Variants in MAGI1 observed in about 807,000 individuals in gnomAD.
The protein encoded by MAGI1 is membrane associated guanylate kinase, WW and PDZ domain containing 1.
A neutral mutation model predicts 139.9 loss-of-function variants in MAGI1; 58 were observed. The ratio of observed to expected loss-of-function variants is 0.41; its 90% CI spans 0.34 to 0.52. The LOEUF (loss-of-function observed/expected upper bound fraction) is 0.52. MAGI1 is among the 20% of genes least tolerant of loss of function. The pLI is 0.12. For missense variants in MAGI1, 1,874 were observed against 1,901.6 expected (o/e 0.99, Z 0.27); for synonymous variants, 812 against 737.9 (o/e 1.10, Z -1.63).
At chr3:65,869,274 A>G (rs1165731727) in intron 1 of MAGI1, among the ~76,000 whole-genome samples, 46 of 149,820 alleles carry the variant, frequency 3.1e-4, no homozygotes, top group Admixed American at 3.0e-3. Context: ...AAAAAAAACA[A>G]CAACTAATTG....
chr3:65,938,769 A>T (rs2063176673), intron 1 of MAGI1, among the ~76,000 whole-genome samples: 1 of 152,208 alleles, frequency 6.6e-6, no homozygotes, highest in African/African-American at 2.4e-5. Flanking sequence ...CCTGAGACTC[A>T]TTAAACATTT....
At chr3:65,527,242 T>A (rs559616070) in intron 2 of MAGI1, among the ~76,000 whole-genome samples, 1 of 152,266 alleles carries the variant, frequency 6.6e-6, no homozygotes, top group African/African-American at 2.4e-5. Context: ...GATGCTACCA[T>A]AAGAGCACTG....
chr3:65,584,193 C>T (rs547725081), intron 2 of MAGI1, among the ~76,000 whole-genome samples: 1 of 151,826 alleles, frequency 6.6e-6, no homozygotes, highest in South Asian at 2.1e-4. Flanking sequence ...GCTACTTTGG[C>T]CTAATTCTGA....
chr3:65,686,137 C>T (rs887608226), intron 1 of MAGI1, among the ~76,000 whole-genome samples: 4 of 152,124 alleles, frequency 2.6e-5, no homozygotes, highest in Non-Finnish European at 2.9e-5. Context: ...TGGCCCCTGG[C>T]TCTGGGGACA....
At chr3:65,632,673 C>T (rs2084379899) in intron 1 of MAGI1, among the ~76,000 whole-genome samples, 1 of 152,136 alleles carries the variant, frequency 6.6e-6, no homozygotes, top group Non-Finnish European at 1.5e-5. Context: ...GAACTCTATC[C>T]AACTGCTCAA....
In MAGI1 at chr3:66,038,123, C is replaced by G. The variant is rs2069045710; in HGVS notation, c.186G>C (p.Pro62=). 2 of 1,612,378 alleles carry G rather than the reference C, an allele frequency of 1.2e-6. No homozygotes were observed. The highest frequency in any genetic ancestry group is 1.7e-6 in the Non-Finnish European group (2 of 1,179,570). Residue 62 remains proline (P), a synonymous_variant, in exon 1 of 23, where the codon CCG becomes CCC. Coordinates refer to ENST00000402939, the MANE Select transcript of MAGI1 (RefSeq NM_001033057.2). ...GAAGCAGCTCCCCTTCGCCCAGCCT[C>G]GGGCCCTCGCCGCCGCCGGGAAGCC... The part of the protein sequence containing the change: ...AAGLPGGGEG[P]RLGEGELLLE...
At chr3:65,970,696 A>C (rs2064977743) in intron 1 of MAGI1, among the ~76,000 whole-genome samples, 3 of 152,166 alleles carry the variant, frequency 2.0e-5, no homozygotes, top group Admixed American at 2.0e-4. Flanking sequence ...GCTACCCTAC[A>C]AAGCTATGAC....
intron 1 of MAGI1, among the ~76,000 whole-genome samples, chr3:65,668,390 G>C (rs549917202): frequency 6.6e-6 from 1 of 151,868 alleles, no homozygotes; most frequent in Non-Finnish European, 1.5e-5. Context: ...GCCAGAGCCA[G>C]GTGTTAAACA....
intron 1 of MAGI1, among the ~76,000 whole-genome samples, chr3:65,673,295 T>C (rs552565342): frequency 6.6e-6 from 1 of 152,224 alleles, no homozygotes; most frequent in African/African-American, 2.4e-5. Context: ...AAGCCTAAAA[T>C]AACTGCCTCA....
At chr3:65,955,990 G>C in intron 1 of MAGI1, among the ~76,000 whole-genome samples, 1 of 151,942 alleles carries the variant, frequency 6.6e-6, no homozygotes, top group South Asian at 2.1e-4. Context: ...ACAAATCCAG[G>C]GCAGCCCTGG....
At chr3:65,516,099 A>G (rs1289652119) in intron 2 of MAGI1, among the ~76,000 whole-genome samples, 1 of 152,198 alleles carries the variant, frequency 6.6e-6, no homozygotes, top group Non-Finnish European at 1.5e-5. Flanking sequence ...CAGCTACTCA[A>G]GAGGCTGAGG....
At chr3:65,470,722 GA>G (rs1029244743) in intron 4 of MAGI1, among the ~76,000 whole-genome samples, 5 of 152,160 alleles carry the variant, frequency 3.3e-5, no homozygotes, top group Non-Finnish European at 5.9e-5. Context: ...AAAGAAGGGG[GA>G]AAAAATCCCA....
intron 1 of MAGI1, among the ~76,000 whole-genome samples, chr3:65,753,681 A>C (rs1362466059): frequency 7.1e-6 from 1 of 140,806 alleles, no homozygotes; most frequent in Admixed American, 7.5e-5. Context: ...AGATCGCACC[A>C]CCACAAACTC....
intron 1 of MAGI1, among the ~76,000 whole-genome samples, chr3:65,806,717 C>T (rs966798647): frequency 6.6e-6 from 1 of 152,088 alleles, no homozygotes; most frequent in Non-Finnish European, 1.5e-5. Flanking sequence ...TTGTGCACAC[C>T]AATCAGTGAT....
At chr3:65,694,611 A>G (rs1370854844) in intron 1 of MAGI1, among the ~76,000 whole-genome samples, 2 of 152,230 alleles carry the variant, frequency 1.3e-5, no homozygotes, top group Admixed American at 1.3e-4. Context: ...CCAAAAGTTG[A>G]TTCTGGCTAA....
chr3:65,745,141 C>G (rs772122103), intron 1 of MAGI1, among the ~76,000 whole-genome samples: 1 of 151,958 alleles, frequency 6.6e-6, no homozygotes, highest in Non-Finnish European at 1.5e-5. Context: ...AAACTATTTT[C>G]GCATATTAAA....
intron 12 of MAGI1, among the ~76,000 whole-genome samples, chr3:65,420,103 T>C (rs1946536397): frequency 6.6e-6 from 1 of 151,838 alleles, no homozygotes; most frequent in African/African-American, 2.4e-5. Flanking sequence ...CTAAAATACA[T>C]TCTTCATATA....
intron 1 of MAGI1, among the ~76,000 whole-genome samples, chr3:66,015,347 C>T (rs1224739654): frequency 6.6e-6 from 1 of 152,114 alleles, no homozygotes; most frequent in Admixed American, 6.5e-5. Context: ...AAGCACCTTA[C>T]GTCCTGCAGG....
intron 1 of MAGI1, among the ~76,000 whole-genome samples, chr3:65,691,307 A>AAAAAAAAAAAAAAAAAAAAAAGAG (rs1388046202): frequency 7.5e-6 from 1 of 133,658 alleles, no homozygotes; most frequent in Non-Finnish European, 1.7e-5. Flanking sequence ...CGTCTCAAAA[A>AAAAAAAAAAAAAAAAAAAAAAGAG]AAAAAAAAGA....
Sources: gnomAD v4.1 joint callset for allele counts (sites outside exome capture counted in the v4.1 genomes callset) on GRCh38, gnomAD v4.1.1 for gene constraint, MANE v1.5 for transcripts, NCBI Gene and HGNC (gene_info 2026-07-23, HGNC 2026-07-21) for gene names.